MADCAM1: variants seen among roughly 807,000 people sequenced by gnomAD.
The protein encoded by MADCAM1 is mucosal addressin cell adhesion molecule 1.
In MADCAM1, 19 loss-of-function variants were observed where a neutral mutation model predicts 26.1. That is an observed-to-expected ratio of 0.73 (90% CI 0.51 to 1.07). The LOEUF is 1.07. MADCAM1 is among the 50% of genes least tolerant of loss of function. The pLI is 0.00. For missense variants in MADCAM1, 514 were observed against 542.1 expected (o/e 0.95, Z 0.51); for synonymous variants, 268 against 260.9 (o/e 1.03, Z -0.26).
Position 503,425 on chromosome 19 carries a change from C to CA in MADCAM1, c.929-1314dup, listed in dbSNP as rs567353364. Among the ~76,000 whole-genome samples the CA allele has an allele frequency of 2.7e-4, 41 of 150,788 alleles. No individual in the cohort carries two copies. In the South Asian group the frequency reaches 3.6e-3, roughly 13 times the overall value. On this transcript the variant is annotated intron_variant, in intron 4 of 4. Transcript: ENST00000215637. The stretch of plus-strand genomic sequence containing the variant: ...TGAAACCCCGTCTCCACTAAAAATA[C>CA]AAAAAATTAGCCGGGCGTGGCAGCG...
rs188209762 is a variant in MADCAM1, at chr19:499,835, C to T, written c.667+1010C>T. On this transcript the variant is annotated intron_variant, in intron 3 of 4. Transcript: ENST00000215637. ...GTGCTCCCTTCACGCTCTGTCCAAT[C>T]CCGAAGCCCCTGCCGGCTTCTCCCA... 2,969 of 456,416 alleles carry T rather than the reference C, an allele frequency of 6.5e-3. 30 individuals carry two copies. Among genetic ancestry groups the T allele is most frequent in the African/African-American group, 0.011 (535 of 50,188 alleles). 28.3% of individuals were successfully genotyped at this position (456,416 alleles called of 1,614,324 possible).
chr19:504,315 G>A (rs542350494), intron 4 of MADCAM1, among the ~76,000 whole-genome samples: 1 of 137,814 alleles, frequency 7.3e-6, no homozygotes, highest in African/African-American at 2.7e-5. Flanking sequence ...CCAGGCTGGA[G>A]TGCAGTGGTG....
intron 3 of MADCAM1, among the ~76,000 whole-genome samples, chr19:500,794 C>T (rs1166205924): frequency 6.6e-6 from 1 of 151,296 alleles, no homozygotes; most frequent in East Asian, 2.0e-4. Flanking sequence ...CGCTTGAACC[C>T]GGGAGGCGGA....
intron 3 of MADCAM1, chr19:499,430 ACACACGCGTGCACACAGGCACACACG>A: frequency 2.6e-6 from 1 of 378,996 alleles, no homozygotes; most frequent in Non-Finnish European, 5.3e-6. Flanking sequence ...ACACAGACAC[ACACACGCGTGCACACAGGCACACACG>A]CACACGCGTG....
Position 505,023 on chromosome 19 carries a change from C to A in MADCAM1, c.*58C>A. The A allele has an allele frequency of 7.7e-7, 1 of 1,307,086 alleles. No homozygotes were observed. The highest frequency in any genetic ancestry group is 1.0e-6 in the Non-Finnish European group (1 of 955,690). The allele number at this position is 1,307,086 out of a possible 1,614,324, so 81.0% of individuals were successfully genotyped here. On this transcript the variant is annotated 3_prime_UTR_variant, in exon 5 of 5. Transcript: ENST00000215637. Reference sequence around the variant, plus strand: ...AGCTTGGACCCCTTCAAGTTGAGAACTGGTCAGGGCAAACCTGCCTCCCAT... The same window carrying A: ...AGCTTGGACCCCTTCAAGTTGAGAAATGGTCAGGGCAAACCTGCCTCCCAT...
intron 4 of MADCAM1, among the ~76,000 whole-genome samples, chr19:503,505 T>G (rs370227436): frequency 0.021 from 2,657 of 123,778 alleles, 69 homozygotes; most frequent in African/African-American, 0.067. Flanking sequence ...GGCGTGAACC[T>G]GGGAGGCGGA....
chr19:497,035 G>A (rs187006480), intron 1 of MADCAM1, among the ~76,000 whole-genome samples: 419 of 7,720 alleles, frequency 0.054, 3 homozygotes, highest in South Asian at 0.16. Flanking sequence ...AGTAGAGTGG[G>A]GGGGCTCAGG....
rs1471237173 is a variant in MADCAM1 at position 498,733 on chromosome 19, C to A, written c.575C>A (p.Pro192Gln). The change falls in exon 3 of 5, where the codon CCG (proline) becomes CAG (glutamine). Residue 192 changes from proline to glutamine, a missense_variant. Physicochemically the swap from Pro to Gln is moderately conservative, Grantham distance 76. This residue lies in a region of MADCAM1 where 317 missense variants were observed against 313.6 expected (regional missense o/e 1.01). Coordinates refer to ENST00000215637, the MANE Select transcript of MADCAM1 (RefSeq NM_130760.3). Reference sequence around the variant, plus strand: ...AGGGTGACAGAGCGCTGGCGGCTGCCGCCCCTGGGGACCCCTGTCCCGCCC... The same window carrying A: ...AGGGTGACAGAGCGCTGGCGGCTGCAGCCCCTGGGGACCCCTGTCCCGCCC... ...LFRVTERWRL[P>Q]PLGTPVPPAL... 6 of 1,459,922 alleles carry A rather than the reference C, an allele frequency of 4.1e-6. No individual in the cohort carries two copies. Among genetic ancestry groups the A allele is most frequent in the Non-Finnish European group, 5.4e-6 (6 of 1,111,900 alleles). The allele number at this position is 1,459,922 out of a possible 1,614,324, so 90.4% of individuals were successfully genotyped here.
At position 501,682 on chromosome 19, in the gene MADCAM1, G is replaced by GACCTCCCTGGAGCCTCCCGACACC. The variant is rs1978332950; in HGVS notation, c.688_689insTGGAGCCTCCCGACACCACCTCCC (p.Ser229_Pro230insLeuGluProProAspThrThrSer). 2.5e-5 allele frequency: 31 copies of GACCTCCCTGGAGCCTCCCGACACC among 1,249,176 alleles called. No homozygotes were observed. In the East Asian group the frequency reaches 4.1e-4, roughly 17 times the overall value. 77.4% of individuals were successfully genotyped at this position (1,249,176 alleles called of 1,614,324 possible). On this transcript the variant is annotated inframe_insertion, in exon 4 of 5. Transcript: ENST00000215637. ...CTCTGTTTCCAGTCCTGCACAGCCC[G>GACCTCCCTGGAGCCTCCCGACACC]ACCTCCCCGGAGCCTCCCGACACCA...
In MADCAM1 at chr19:498,894, G is replaced by C. The variant is rs527516821; in HGVS notation, c.667+69G>C. 24 of 1,270,426 alleles carry C rather than the reference G, an allele frequency of 1.9e-5. No individual in the cohort carries two copies. The South Asian group carries it at 3.1e-4, about 17-fold the overall frequency. The allele number at this position is 1,270,426 out of a possible 1,614,324, so 78.7% of individuals were successfully genotyped here. A position where few individuals can be genotyped will look rare whatever the true frequency, so the allele number is the denominator to read the frequency against. On this transcript the variant is annotated intron_variant, in intron 3 of 4. Coordinates refer to ENST00000215637, the MANE Select transcript of MADCAM1 (RefSeq NM_130760.3). ...TTGACAAGCACTTCGGGACGGGGTGGGGGGGTGGGGGGGCAGCACCTGTGC... is the reference window on the plus strand; with the variant it reads ...TTGACAAGCACTTCGGGACGGGGTGCGGGGGTGGGGGGGCAGCACCTGTGC...
rs554296237 is a variant in MADCAM1, at chr19:498,906, G to C, written c.667+81G>C. 4.7e-4 allele frequency: 617 copies of C among 1,316,016 alleles called. 6 individuals are homozygous for C. The South Asian group carries it at 5.4e-3, about 12-fold the overall frequency. The allele number at this position is 1,316,016 out of a possible 1,614,324, so 81.5% of individuals were successfully genotyped here. ...TCGGGACGGGGTGGGGGGGTGGGGGGGCAGCACCTGTGCTGTGGGGCGCTG... is the reference window on the plus strand; with the variant it reads ...TCGGGACGGGGTGGGGGGGTGGGGGCGCAGCACCTGTGCTGTGGGGCGCTG... On this transcript the variant is annotated intron_variant, in intron 3 of 4. Coordinates refer to ENST00000215637, the MANE Select transcript of MADCAM1 (RefSeq NM_130760.3).
chr19:500,193 C>T (rs1402775191), intron 3 of MADCAM1: 6 of 456,168 alleles, frequency 1.3e-5, no homozygotes, highest in East Asian at 6.9e-5. Flanking sequence ...ATAATAAACG[C>T]GGGACCCACT....
In MADCAM1 at chr19:503,559, A is replaced by C. The variant is rs1005181242; in HGVS notation, c.929-1186A>C. ...TCGCGCCACTGCACTCCAACCTGGG[A>C]GACAGCAAGACTCCGTCTCAAAAAA... is the stretch of plus-strand genomic sequence containing the variant. On this transcript the variant is annotated intron_variant, in intron 4 of 4. Transcript: ENST00000215637. Among the ~76,000 whole-genome samples the C allele has an allele frequency of 1.5e-4, 22 of 143,772 alleles. No individual in the cohort carries two copies. In the East Asian group the frequency reaches 2.1e-3, roughly 14 times the overall value. The allele number at this position is 143,772 out of a possible 152,430, so 94.3% of individuals were successfully genotyped here.
intron 4 of MADCAM1, among the ~76,000 whole-genome samples, chr19:502,634 A>G (rs1978400306): frequency 6.6e-6 from 1 of 152,122 alleles, no homozygotes; most frequent in African/African-American, 2.4e-5. Flanking sequence ...CTTGTCCCCC[A>G]GTGCCACAAA....
chr19:501,713 C>A lies in MADCAM1; in HGVS notation c.712C>A (p.Pro238Thr), dbSNP rs1266868555. 1 of 1,522,100 alleles carries A rather than the reference C, an allele frequency of 6.6e-7. No homozygotes were observed. The highest frequency in any genetic ancestry group is 1.6e-5 in the African/African-American group (1 of 63,680). The allele number at this position is 1,522,100 out of a possible 1,614,324, so 94.3% of individuals were successfully genotyped here. A position where few individuals can be genotyped will look rare whatever the true frequency, so the allele number is the denominator to read the frequency against. ...CCCGGAGCCTCCCGACACCACCTCC[C>A]CGGAGTCTCCCGACACCACCTCCCC... ...TSPEPPDTTS[P>T]ESPDTTSPES... is the part of the protein sequence containing the mutation. Residue 238 changes from proline (P) to threonine (T), a missense_variant, in exon 4 of 5, where the codon CCG (proline) becomes ACG (threonine). Physicochemically the swap from Pro to Thr is conservative, Grantham distance 38. Around this residue, in one of 3 missense-constraint regions of MADCAM1, gnomAD observed 45 missense variants for 91.8 expected, o/e 0.49. Coordinates refer to ENST00000215637, the MANE Select transcript of MADCAM1 (RefSeq NM_130760.3).
At chr19:504,640 C>T (rs1350962629) in intron 4 of MADCAM1, 105 bp from the exon 5 acceptor site, 24 of 744,998 alleles carry the variant, frequency 3.2e-5, no homozygotes, top group Middle Eastern at 4.0e-4. Context: ...TTTCAGGGAA[C>T]GTGGTAACTT....
chr19:502,513 G>A (rs890510502), intron 4 of MADCAM1, among the ~76,000 whole-genome samples: 2 of 151,968 alleles, frequency 1.3e-5, no homozygotes, highest in Admixed American at 6.6e-5. Context: ...TGTTGACCAC[G>A]CTGGTCTCCA....
At chr19:504,650 T>C in intron 4 of MADCAM1, 95 bp from the exon 5 acceptor site, 1 of 836,936 alleles carries the variant, frequency 1.2e-6, no homozygotes, top group Non-Finnish European at 1.9e-6. Context: ...CGTGGTAACT[T>C]TGGAAGCACG....
chr19:498,752 C>T lies in MADCAM1; in HGVS notation c.594C>T (p.Val198=). 7.0e-7 allele frequency: 1 copy of T among 1,434,038 alleles called. No individual in the cohort carries two copies. The highest frequency in any genetic ancestry group is 9.2e-7 in the Non-Finnish European group (1 of 1,087,428). The allele number at this position is 1,434,038 out of a possible 1,614,324, so 88.8% of individuals were successfully genotyped here. Residue 198 remains valine (V), a synonymous_variant, in exon 3 of 5, where the codon GTC becomes GTT. Coordinates refer to ENST00000215637, the MANE Select transcript of MADCAM1 (RefSeq NM_130760.3). ...GGCTGCCGCCCCTGGGGACCCCTGT[C>T]CCGCCCGCCCTCTACTGCCAGGCCA... ...RWRLPPLGTP[V]PPALYCQATM... is the part of the protein sequence containing the mutation.
Sources: gnomAD v4.1 joint callset for allele counts (sites outside exome capture counted in the v4.1 genomes callset) on GRCh38, gnomAD v4.1.1 for gene constraint, gnomAD v4.1.1 regional missense constraint, MANE v1.5 for transcripts, NCBI Gene and HGNC (gene_info 2026-07-23, HGNC 2026-07-21) for gene names.